Variants in TBC1D22B observed in about 807,000 individuals in gnomAD.
TBC1D22B encodes the protein chromosome 6 open reading frame 197.
In TBC1D22B, 32 loss-of-function variants were observed where a neutral mutation model predicts 69.1. That is an observed-to-expected ratio of 0.46 (90% CI 0.35 to 0.62). The LOEUF (loss-of-function observed/expected upper bound fraction) is 0.62. Ranked by LOEUF, TBC1D22B falls within the 20% of genes least tolerant of loss-of-function variation. The pLI is 0.00. For synonymous variants in TBC1D22B, 206 were observed against 229.8 expected (o/e 0.90, Z 0.94); for missense variants, 462 against 630.9 (o/e 0.73, Z 2.87).
At chr6:37,261,753 G>C (rs1766105835) in intron 1 of TBC1D22B, among the ~76,000 whole-genome samples, 1 of 151,912 alleles carries the variant, frequency 6.6e-6, no homozygotes, top group Admixed American at 6.6e-5. Flanking sequence ...GCTTTGATCT[G>C]GTTGGGTGTG....
chr6:37,272,301 G>A (rs1049033713), intron 2 of TBC1D22B, among the ~76,000 whole-genome samples: 10 of 151,614 alleles, frequency 6.6e-5, no homozygotes, highest in Admixed American at 2.6e-4. Context: ...CTTGGCTGAA[G>A]TGATCTGCCT....
At chr6:37,288,977 TC>T (rs1450055042) in intron 7 of TBC1D22B, among the ~76,000 whole-genome samples, 1 of 151,964 alleles carries the variant, frequency 6.6e-6, no homozygotes, top group South Asian at 2.1e-4. Context: ...CAACCTCTAC[TC>T]CCCGGGCTCA....
intron 8 of TBC1D22B, chr6:37,295,668 G>T: frequency 2.4e-6 from 1 of 414,724 alleles, no homozygotes. Flanking sequence ...ATCAAATAAG[G>T]TTCATTAGCT....
At chr6:37,316,947 T>C in intron 11 of TBC1D22B, 117 bp downstream of exon 11, 1 of 1,557,276 alleles carries the variant, frequency 6.4e-7, no homozygotes, top group Non-Finnish European at 8.7e-7. Flanking sequence ...TCTACTTCCA[T>C]GTCTGCTTTA....
At position 37,319,996 on chromosome 6, in the gene TBC1D22B, C is replaced by T. The variant is rs187013823; in HGVS notation, c.1389+2790C>T. Among the ~76,000 whole-genome samples, 399 of 152,294 alleles carry T rather than the reference C, an allele frequency of 2.6e-3. 1 individual carries two copies. Among genetic ancestry groups the T allele is most frequent in the South Asian group, 3.1e-3 (15 of 4,824 alleles). On this transcript the variant is annotated intron_variant, in intron 12 of 12. Transcript: ENST00000373491. ...AATACAGGTATTGTAAAAAACCAAA[C>T]ATGTCCAGCCTAGGAGAGAAGTTTT...
chr6:37,310,029 T>G (rs1767853466), intron 8 of TBC1D22B, among the ~76,000 whole-genome samples: 1 of 147,014 alleles, frequency 6.8e-6, no homozygotes, highest in Non-Finnish European at 1.5e-5. Flanking sequence ...TTATAAAATA[T>G]AAAATTATAT....
chr6:37,331,203 T>C lies in TBC1D22B; in HGVS notation c.*31T>C. 1 of 1,608,838 alleles carries C rather than the reference T, an allele frequency of 6.2e-7. No individual in the cohort carries two copies. On this transcript the variant is annotated 3_prime_UTR_variant, in exon 13 of 13. Coordinates refer to ENST00000373491, the MANE Select transcript of TBC1D22B (RefSeq NM_017772.4). ...GTCTCCTCCGGGGACCCAGACTGCC[T>C]TCATCTCTGATGGCAGTCTGATCAC... is the stretch of plus-strand genomic sequence containing the variant.
intron 3 of TBC1D22B, among the ~76,000 whole-genome samples, chr6:37,281,719 T>C (rs77069346): frequency 1.3e-5 from 2 of 152,218 alleles, no homozygotes; most frequent in African/African-American, 4.8e-5. Flanking sequence ...CATCATTCCT[T>C]ATGTGCTCTG....
intron 1 of TBC1D22B, among the ~76,000 whole-genome samples, chr6:37,259,510 C>A (rs1407377448): frequency 6.6e-6 from 1 of 152,120 alleles, no homozygotes; most frequent in South Asian, 2.1e-4. Context: ...AGATGTGGGA[C>A]GTGGCATGGG....
intron 8 of TBC1D22B, among the ~76,000 whole-genome samples, chr6:37,304,316 A>G (rs1212072434): frequency 6.6e-6 from 1 of 152,230 alleles, no homozygotes; most frequent in African/African-American, 2.4e-5. Flanking sequence ...AAGGAAAATG[A>G]AGGCTTATAG....
At chr6:37,276,806 G>A (rs1766684464) in intron 2 of TBC1D22B, among the ~76,000 whole-genome samples, 1 of 152,044 alleles carries the variant, frequency 6.6e-6, no homozygotes, top group Admixed American at 6.6e-5. Context: ...CAAGAGAATC[G>A]CCTGAACCGA....
intron 1 of TBC1D22B, among the ~76,000 whole-genome samples, chr6:37,264,915 T>C (rs1469316362): frequency 6.6e-6 from 1 of 152,126 alleles, no homozygotes. Context: ...AAGGAGTAGG[T>C]ATGGTACAGA....
intron 12 of TBC1D22B, among the ~76,000 whole-genome samples, chr6:37,318,059 G>A (rs1768131954): frequency 6.6e-6 from 1 of 152,228 alleles, no homozygotes; most frequent in South Asian, 2.1e-4. Context: ...ATGAGTAGAG[G>A]AGAGTGGCAC....
At chr6:37,278,683 G>T (rs960485049) in intron 2 of TBC1D22B, among the ~76,000 whole-genome samples, 2 of 152,082 alleles carry the variant, frequency 1.3e-5, no homozygotes, top group Non-Finnish European at 2.9e-5. Flanking sequence ...TAACCCCAAC[G>T]ATTTGGGAGG....
In TBC1D22B at chr6:37,293,078, A is replaced by T. The variant is rs1477662007; in HGVS notation, c.982+1721A>T. Among the ~76,000 whole-genome samples, 279 of 140,748 alleles carry T rather than the reference A, an allele frequency of 2.0e-3. 2 individuals are homozygous for T. The highest frequency in any genetic ancestry group is 7.9e-3 in the African/African-American group (255 of 32,120). The allele number at this position is 140,748 out of a possible 152,430, so 92.3% of individuals were successfully genotyped here. A position where few individuals can be genotyped will look rare whatever the true frequency, so the allele number is the denominator to read the frequency against. Reference sequence around the variant, plus strand: ...TTAACTTTTCATTATTATTATTATTATTATTATTTTTTTTTTTGAGACAGA... The same window carrying T: ...TTAACTTTTCATTATTATTATTATTTTTATTATTTTTTTTTTTGAGACAGA... On this transcript the variant is annotated intron_variant, in intron 8 of 12. Coordinates refer to ENST00000373491, the MANE Select transcript of TBC1D22B (RefSeq NM_017772.4).
chr6:37,318,819 T>C (rs541340902), intron 12 of TBC1D22B, among the ~76,000 whole-genome samples: 1 of 152,264 alleles, frequency 6.6e-6, no homozygotes, highest in Admixed American at 6.5e-5. Flanking sequence ...ATTGTCAGGC[T>C]CTCCAGAGAG....
chr6:37,304,298 A>C (rs949552404), intron 8 of TBC1D22B, among the ~76,000 whole-genome samples: 1 of 152,216 alleles, frequency 6.6e-6, no homozygotes, highest in Non-Finnish European at 1.5e-5. Flanking sequence ...ACTTCTAGGT[A>C]TTTATTCAAG....
chr6:37,304,535 A>G (rs1767653489), intron 8 of TBC1D22B, among the ~76,000 whole-genome samples: 1 of 152,234 alleles, frequency 6.6e-6, no homozygotes, highest in Non-Finnish European at 1.5e-5. Flanking sequence ...CAAAAAATAT[A>G]TATATTGTAT....
In TBC1D22B at chr6:37,269,502, C is replaced by G. The variant is rs1048246727; in HGVS notation, c.57-92C>G. 4 of 1,202,610 alleles carry G rather than the reference C, an allele frequency of 3.3e-6. No individual in the cohort carries two copies. In the African/African-American group the frequency reaches 6.0e-5, roughly 18 times the overall value. The allele number at this position is 1,202,610 out of a possible 1,614,324, so 74.5% of individuals were successfully genotyped here. ...TTAGAGATAACCTATTTATCAAAGT[C>G]TCATCCAATTTTGTGATGCAGATGG... On this transcript the variant is annotated intron_variant, in intron 1 of 12. Transcript: ENST00000373491.
Sources: gnomAD v4.1 joint callset for allele counts (sites outside exome capture counted in the v4.1 genomes callset) on GRCh38, gnomAD v4.1.1 for gene constraint, MANE v1.5 for transcripts, NCBI Gene and HGNC (gene_info 2026-07-23, HGNC 2026-07-21) for gene names.